NFKB1: variants seen among roughly 807,000 people sequenced by gnomAD.
NFKB1 encodes the protein nuclear factor NF-kappa-B p105 subunit.
NFKB1 carries 9 observed loss-of-function variants against 105.1 expected under a neutral mutation model. The observed-to-expected ratio is 0.09, with a 90% confidence interval of 0.05 to 0.15. The LOEUF (loss-of-function observed/expected upper bound fraction) is 0.15, where lower values mean the gene tolerates loss of function less well. Among genes scored for constraint, NFKB1 ranks in the 10% least tolerant of loss-of-function variants. The pLI, the probability that NFKB1 is intolerant of heterozygous loss-of-function variation, is 1.00. For missense variants in NFKB1, 830 were observed against 1,203.7 expected (o/e 0.69, Z 4.59); for synonymous variants, 440 against 442.2 (o/e 1.00, Z 0.06).
chr4:102,600,180 A>T (rs1727017939), intron 15 of NFKB1, among the ~76,000 whole-genome samples: 1 of 152,182 alleles, frequency 6.6e-6, no homozygotes, highest in Admixed American at 6.5e-5. Context: ...TTCTCTGAGG[A>T]TGTCAGGTTT....
At chr4:102,532,427 G>C (rs968763043) in intron 3 of NFKB1, among the ~76,000 whole-genome samples, 1 of 152,136 alleles carries the variant, frequency 6.6e-6, no homozygotes, top group Non-Finnish European at 1.5e-5. Context: ...AGGAGTTCAA[G>C]ACCAGCCTGG....
At chr4:102,569,998 A>G (rs1486835296) in intron 6 of NFKB1, among the ~76,000 whole-genome samples, 1 of 152,152 alleles carries the variant, frequency 6.6e-6, no homozygotes, top group Non-Finnish European at 1.5e-5. Context: ...CTGAATATCA[A>G]CAATTTGTTT....
At chr4:102,581,537 C>T (rs567032143) in intron 9 of NFKB1, among the ~76,000 whole-genome samples, 2 of 151,912 alleles carry the variant, frequency 1.3e-5, no homozygotes, top group Non-Finnish European at 2.9e-5. Context: ...GCCTGTAATC[C>T]CAGCACTTTG....
chr4:102,565,974 G>A (rs2149166576), intron 5 of NFKB1, among the ~76,000 whole-genome samples: 1 of 152,270 alleles, frequency 6.6e-6, no homozygotes, highest in Middle Eastern at 3.4e-3. Flanking sequence ...CATCTTGTGA[G>A]GAGATTATAG....
chr4:102,550,584 T>C (rs1299003062), intron 5 of NFKB1, among the ~76,000 whole-genome samples: 8 of 152,222 alleles, frequency 5.3e-5, no homozygotes, highest in Non-Finnish European at 1.0e-4. Flanking sequence ...TCATCAATGA[T>C]AGCAGCATGC....
At chr4:102,542,769 G>A (rs1448701492) in intron 5 of NFKB1, among the ~76,000 whole-genome samples, 2 of 152,198 alleles carry the variant, frequency 1.3e-5, no homozygotes, top group Admixed American at 6.5e-5. Flanking sequence ...CAAACTGGAC[G>A]CCATTGAAGA....
At chr4:102,581,761 A>G (rs1326127963) in intron 9 of NFKB1, among the ~76,000 whole-genome samples, 1 of 152,214 alleles carries the variant, frequency 6.6e-6, no homozygotes, top group African/African-American at 2.4e-5. Flanking sequence ...ACATACTGTG[A>G]GTAAACACAA....
chr4:102,584,885 G>C (rs1450700516), intron 11 of NFKB1, 65 bp downstream of exon 11: 1 of 1,430,346 alleles, frequency 7.0e-7, no homozygotes, highest in Non-Finnish European at 9.4e-7. Context: ...TTTTTGTTTT[G>C]TTTTGTTTTG....
chr4:102,545,311 G>A (rs1016373634), intron 5 of NFKB1, among the ~76,000 whole-genome samples: 2 of 152,064 alleles, frequency 1.3e-5, no homozygotes, highest in African/African-American at 4.8e-5. Flanking sequence ...GACATGGGCT[G>A]GAAAGTGCTT....
At position 102,578,948 on chromosome 4, in the gene NFKB1, G is replaced by A; in HGVS notation, c.639G>A (p.Val213=). ...CCAAGGAGATGGACCTCAGCGTGGTGCGGCTCATGTTTACAGCTTTTCTTC... is the reference window on the plus strand; with the variant it reads ...CCAAGGAGATGGACCTCAGCGTGGTACGGCTCATGTTTACAGCTTTTCTTC... The part of the protein sequence containing the change: ...QQTKEMDLSV[V]RLMFTAFLPD... The change falls in exon 8 of 24, where the codon GTG becomes GTA. Residue 213 remains valine (V), a synonymous_variant. Coordinates refer to ENST00000226574, the MANE Select transcript of NFKB1 (RefSeq NM_003998.4). The A allele has an allele frequency of 1.2e-6, 2 of 1,614,124 alleles. No homozygotes were observed. Among genetic ancestry groups the A allele is most frequent in the Non-Finnish European group, 1.7e-6 (2 of 1,180,014 alleles).
Position 102,582,550 on chromosome 4 carries a change from C to T in NFKB1, c.836-316C>T, listed in dbSNP as rs535459381. Among the ~76,000 whole-genome samples, 3 of 152,254 alleles carry T rather than the reference C, an allele frequency of 2.0e-5. No homozygotes were observed. The East Asian group carries it at 5.8e-4, about 29-fold the overall frequency. ...TGCCTCGTTGGATTCTAATATTCTT[C>T]CACCATCGTTCGTGTTTCTCAGGAT... On this transcript the variant is annotated intron_variant, in intron 9 of 23. Coordinates refer to ENST00000226574, the MANE Select transcript of NFKB1 (RefSeq NM_003998.4).
chr4:102,615,870 T>A (rs2149236745), intron 23 of NFKB1, among the ~76,000 whole-genome samples: 1 of 152,384 alleles, frequency 6.6e-6, no homozygotes, highest in African/African-American at 2.4e-5. Context: ...TTTGTCTTGG[T>A]CATATCCCTA....
At chr4:102,574,066 T>C (rs2149177760) in intron 6 of NFKB1, among the ~76,000 whole-genome samples, 1 of 151,994 alleles carries the variant, frequency 6.6e-6, no homozygotes, top group East Asian at 1.9e-4. Flanking sequence ...TTTCCATGCC[T>C]GTTAGTTTTT....
intron 3 of NFKB1, among the ~76,000 whole-genome samples, chr4:102,533,383 CTT>C: frequency 6.6e-6 from 1 of 152,282 alleles, no homozygotes; most frequent in East Asian, 1.9e-4. Context: ...AGATCAGTAT[CTT>C]TTAATTTCAC....
chr4:102,543,697 C>G (rs1489019961), intron 5 of NFKB1, among the ~76,000 whole-genome samples: 1 of 151,936 alleles, frequency 6.6e-6, no homozygotes, highest in Non-Finnish European at 1.5e-5. Context: ...ACTACCCGAT[C>G]TGCTGTGGCA....
At chr4:102,613,351 G>A (rs1291884698) in intron 22 of NFKB1, 74 bp from the exon 23 acceptor site, 3 of 1,476,278 alleles carry the variant, frequency 2.0e-6, no homozygotes, top group Non-Finnish European at 1.9e-6. Context: ...AGGGAAGGGT[G>A]GGCTGTCAGT....
At chr4:102,613,790 C>T (rs1288023521) in intron 23 of NFKB1, among the ~76,000 whole-genome samples, 1 of 152,174 alleles carries the variant, frequency 6.6e-6, no homozygotes, top group African/African-American at 2.4e-5. Context: ...ATCACATTGA[C>T]ACATGAACTA....
chr4:102,504,357 G>A (rs566672046), intron 1 of NFKB1, among the ~76,000 whole-genome samples: 3 of 152,280 alleles, frequency 2.0e-5, no homozygotes, highest in East Asian at 3.9e-4. Context: ...AGATTGATCA[G>A]AAATCACATT....
chr4:102,599,607 C>T (rs1467751860), intron 15 of NFKB1, among the ~76,000 whole-genome samples: 1 of 152,048 alleles, frequency 6.6e-6, no homozygotes, highest in Non-Finnish European at 1.5e-5. Context: ...ACATGTATCC[C>T]CTATGCAGGA....
Sources: allele counts gnomAD v4.1 joint callset (sites outside exome capture counted in the v4.1 genomes callset), GRCh38; gene constraint gnomAD v4.1.1; transcripts MANE v1.5; gene names NCBI Gene and HGNC (gene_info 2026-07-23, HGNC 2026-07-21).